The following LRRC72 variants were observed in gnomAD, a reference collection of about 807,000 sequenced individuals.
The protein encoded by LRRC72 is leucine-rich repeat-containing protein 72.
LRRC72 carries 41 observed loss-of-function variants against 35.8 expected under a neutral mutation model. That is an observed-to-expected ratio of 1.15 (90% CI 0.89 to 1.49). The LOEUF (loss-of-function observed/expected upper bound fraction) is 1.49, where lower values mean the gene tolerates loss of function less well. Among genes scored for constraint, LRRC72 ranks in the 40% most tolerant of loss-of-function variants. The pLI is 0.00. For synonymous variants in LRRC72, 118 were observed against 119.2 expected (o/e 0.99, Z 0.07); for missense variants, 389 against 330.7 (o/e 1.18, Z -1.37).
At chr7:16,545,908 G>T (rs1315984060) in intron 3 of LRRC72, among the ~76,000 whole-genome samples, 1 of 152,038 alleles carries the variant, frequency 6.6e-6, no homozygotes, top group Non-Finnish European at 1.5e-5. Context: ...TTGGAAAAGA[G>T]AGGGAAAAAC....
At chr7:16,544,288 A>C (rs1270357607) in intron 3 of LRRC72, among the ~76,000 whole-genome samples, 1 of 152,160 alleles carries the variant, frequency 6.6e-6, no homozygotes, top group Non-Finnish European at 1.5e-5. Context: ...CTGATGAAAA[A>C]GCACAAGTTT....
At chr7:16,544,860 TC>T (rs1782418745) in intron 3 of LRRC72, among the ~76,000 whole-genome samples, 1 of 152,230 alleles carries the variant, frequency 6.6e-6, no homozygotes, top group Non-Finnish European at 1.5e-5. Context: ...AATCTGGGTT[TC>T]TGCTGTGCAG....
intron 7 of LRRC72, among the ~76,000 whole-genome samples, chr7:16,571,482 A>C (rs1334277199): frequency 1.3e-5 from 2 of 152,194 alleles, no homozygotes; most frequent in East Asian, 3.9e-4. Flanking sequence ...CTGCATTTCC[A>C]ACCGAGGTAC....
chr7:16,541,162 A>G (rs1479946310), intron 3 of LRRC72, among the ~76,000 whole-genome samples: 2 of 152,198 alleles, frequency 1.3e-5, no homozygotes, highest in Non-Finnish European at 2.9e-5. Context: ...TCAAACCCAG[A>G]CAATCACTAC....
intron 2 of LRRC72, among the ~76,000 whole-genome samples, chr7:16,533,894 C>T (rs1262669112): frequency 1.3e-5 from 2 of 152,014 alleles, no homozygotes; most frequent in Non-Finnish European, 2.9e-5. Context: ...TTCATGTGGT[C>T]AAAAGATTGC....
intron 5 of LRRC72, among the ~76,000 whole-genome samples, chr7:16,560,120 A>G (rs548239595): frequency 6.6e-6 from 1 of 152,332 alleles, no homozygotes; most frequent in South Asian, 2.1e-4. Flanking sequence ...TACTGAGGTA[A>G]AAGACCTACA....
intron 3 of LRRC72, among the ~76,000 whole-genome samples, chr7:16,550,884 G>A (rs981541461): frequency 1.3e-5 from 2 of 152,190 alleles, no homozygotes; most frequent in African/African-American, 4.8e-5. Context: ...TCAGAGCTAA[G>A]CCATGTATTC....
At chr7:16,541,615 T>TA (rs1457572446) in intron 3 of LRRC72, among the ~76,000 whole-genome samples, 2 of 152,242 alleles carry the variant, frequency 1.3e-5, no homozygotes, top group Admixed American at 1.3e-4. Flanking sequence ...AAAACACTTT[T>TA]AAAAAAACAT....
intron 7 of LRRC72, among the ~76,000 whole-genome samples, chr7:16,578,444 C>T (rs773798118): frequency 6.6e-6 from 1 of 152,120 alleles, no homozygotes; most frequent in Non-Finnish European, 1.5e-5. Flanking sequence ...GAGCCGAGAT[C>T]GTGCCACTGC....
intron 1 of LRRC72, among the ~76,000 whole-genome samples, chr7:16,530,944 C>T (rs943361355): frequency 6.6e-6 from 1 of 152,056 alleles, no homozygotes; most frequent in African/African-American, 2.4e-5. Context: ...CTCCTGTAAT[C>T]CTAGCACTTT....
chr7:16,575,450 G>C (rs1242187328), intron 7 of LRRC72, among the ~76,000 whole-genome samples: 2 of 152,158 alleles, frequency 1.3e-5, no homozygotes, highest in East Asian at 3.9e-4. Flanking sequence ...TCAAGTCAGA[G>C]ATCAACCAAT....
chr7:16,550,368 C>T (rs1000099471), intron 3 of LRRC72, among the ~76,000 whole-genome samples: 5 of 152,142 alleles, frequency 3.3e-5, no homozygotes, highest in African/African-American at 4.8e-5. Context: ...TTTCTGACTG[C>T]TTCCAGGGTT....
At chr7:16,572,669 A>G (rs930088030) in intron 7 of LRRC72, among the ~76,000 whole-genome samples, 1 of 152,216 alleles carries the variant, frequency 6.6e-6, no homozygotes, top group African/African-American at 2.4e-5. Flanking sequence ...AATAAGAGCT[A>G]TTTATGACAG....
intron 5 of LRRC72, among the ~76,000 whole-genome samples, chr7:16,565,404 C>T (rs1782812260): frequency 6.7e-6 from 1 of 150,226 alleles, no homozygotes; most frequent in Non-Finnish European, 1.5e-5. Flanking sequence ...TGCGCTCCAG[C>T]CTGGCAACAA....
chr7:16,567,616 T>G, intron 7 of LRRC72, 73 bp downstream of exon 7: 1 of 1,192,552 alleles, frequency 8.4e-7, no homozygotes, highest in Non-Finnish European at 1.1e-6. Flanking sequence ...GTAATTTGAT[T>G]GTAATAATAA....
rs532499164 is a variant in LRRC72, at chr7:16,544,456, G to A, written c.234+6760G>A. Among the ~76,000 whole-genome samples the A allele has an allele frequency of 8.5e-5, 13 of 152,160 alleles. 1 individual carries two copies. In the East Asian group the frequency reaches 1.7e-3, roughly 20 times the overall value. The stretch of plus-strand genomic sequence containing the variant: ...TTGAGATCATGTTTTCCTAACACCC[G>A]CTGACATAATTAGTGGGAGGCAGCT... On this transcript the variant is annotated intron_variant, in intron 3 of 8. Coordinates refer to ENST00000401542, the MANE Select transcript of LRRC72 (RefSeq NM_001195280.2).
chr7:16,531,015 G>A (rs1208711238), intron 1 of LRRC72, among the ~76,000 whole-genome samples: 1 of 151,834 alleles, frequency 6.6e-6, no homozygotes, highest in Non-Finnish European at 1.5e-5. Context: ...TGGCCAACAT[G>A]GTGAAACCCC....
intron 1 of LRRC72, among the ~76,000 whole-genome samples, chr7:16,528,086 C>A (rs184247323): frequency 2.6e-5 from 4 of 152,160 alleles, no homozygotes; most frequent in Non-Finnish European, 4.4e-5. Context: ...AAATTCAGTA[C>A]CTTTTCTGAG....
At chr7:16,542,863 C>T (rs1782380472) in intron 3 of LRRC72, among the ~76,000 whole-genome samples, 1 of 152,110 alleles carries the variant, frequency 6.6e-6, no homozygotes, top group South Asian at 2.1e-4. Flanking sequence ...CTATTGGGAT[C>T]CTGAGATTTA....
Sources: gnomAD v4.1 joint callset for allele counts (sites outside exome capture counted in the v4.1 genomes callset) on GRCh38, gnomAD v4.1.1 for gene constraint, MANE v1.5 for transcripts, NCBI Gene and HGNC (gene_info 2026-07-23, HGNC 2026-07-21) for gene names.